Variants in TAFA1 observed in about 807,000 individuals in gnomAD.
TAFA1 encodes chemokine-like protein TAFA-1.
Under a neutral mutation model 18.5 loss-of-function variants are expected in TAFA1, and 4 were observed. That is an observed-to-expected ratio of 0.22 (90% CI 0.11 to 0.49). The LOEUF (loss-of-function observed/expected upper bound fraction) is 0.49. TAFA1 is among the 20% of genes least tolerant of loss of function. The pLI, the probability that TAFA1 is intolerant of heterozygous loss-of-function variation, is 0.98. For synonymous variants in TAFA1, 56 were observed against 55.2 expected, an observed-to-expected ratio of 1.01 and a Z score of -0.06; for missense variants, 147 against 169.0, an observed-to-expected ratio of 0.87 and a Z score of 0.72.
At chr3:68,519,387 T>A (rs950758903) in intron 3 of TAFA1, among the ~76,000 whole-genome samples, 1 of 152,232 alleles carries the variant, frequency 6.6e-6, no homozygotes, top group East Asian at 1.9e-4. Flanking sequence ...AAAAATAAAT[T>A]TCTGTCCTAT....
intron 2 of TAFA1, among the ~76,000 whole-genome samples, chr3:68,084,681 C>A (rs1425039742): frequency 6.6e-6 from 1 of 151,902 alleles, no homozygotes; most frequent in African/African-American, 2.4e-5. Flanking sequence ...GGCTGTGATC[C>A]CAGCTACTTG....
rs1293800696 is a variant in TAFA1, at chr3:68,538,811, A to G, written c.315A>G (p.Glu105=). 3.1e-6 allele frequency: 5 copies of G among 1,613,542 alleles called. No individual in the cohort carries two copies. The highest frequency in any genetic ancestry group is 2.7e-5 in the African/African-American group (2 of 74,916). Reference sequence around the variant, plus strand: ...AGATGGAGCCTTGCCTAGAAGGAGAAGAATGTAAGACACTCCCTGACAATT... The same window carrying G: ...AGATGGAGCCTTGCCTAGAAGGAGAGGAATGTAAGACACTCCCTGACAATT... ...WCEMEPCLEG[E]ECKTLPDNSG... is the part of the protein sequence containing the mutation. Residue 105 remains glutamate, a synonymous_variant, in exon 4 of 5, where the codon GAA becomes GAG. Coordinates refer to ENST00000478136, the MANE Select transcript of TAFA1 (RefSeq NM_213609.4).
At chr3:68,412,987 C>T (rs919414091) in intron 2 of TAFA1, among the ~76,000 whole-genome samples, 2 of 151,648 alleles carry the variant, frequency 1.3e-5, no homozygotes, top group Non-Finnish European at 2.9e-5. Context: ...GTTTACAGTC[C>T]CACCAACAGT....
intron 2 of TAFA1, among the ~76,000 whole-genome samples, chr3:68,076,769 C>T (rs1257450500): frequency 1.3e-5 from 2 of 152,278 alleles, no homozygotes; most frequent in East Asian, 3.8e-4. Flanking sequence ...AATAAACATA[C>T]ATGTTCATGT....
chr3:68,001,575 TG>T (rs1704284014), upstream of TAFA1, among the ~76,000 whole-genome samples: 3 of 150,386 alleles, frequency 2.0e-5, no homozygotes, highest in African/African-American at 7.5e-5. Flanking sequence ...ATTTTGTTGT[TG>T]TTGTTTTTTT....
At chr3:68,478,144 G>C (rs2072140476) in intron 3 of TAFA1, among the ~76,000 whole-genome samples, 1 of 152,198 alleles carries the variant, frequency 6.6e-6, no homozygotes, top group African/African-American at 2.4e-5. Flanking sequence ...AATTCTCATA[G>C]GTAACAGCAG....
In TAFA1 at chr3:68,164,629, A is replaced by ATGTGTGTGTG. The variant is rs1559543711; in HGVS notation, c.118+157885_118+157886insTGTGTGTGTG. 1.5e-4 allele frequency among the ~76,000 whole-genome samples: 6 copies of ATGTGTGTGTG among 41,324 alleles called. No individual in the cohort carries two copies. The Admixed American group carries it at 1.7e-3, about 12-fold the overall frequency. The allele number at this position is 41,324 out of a possible 152,430, so 27.1% of individuals were successfully genotyped here. On this transcript the variant is annotated intron_variant, in intron 2 of 4. Coordinates refer to ENST00000478136, the MANE Select transcript of TAFA1 (RefSeq NM_213609.4). ...ATCTACCACATTTGTTCCTTTTGCA[A>ATGTGTGTGTG]CGTGTGTGTGTGTGTGTGTGTGTGT...
intron 2 of TAFA1, among the ~76,000 whole-genome samples, chr3:68,205,929 C>T (rs1263704409): frequency 6.6e-6 from 1 of 151,754 alleles, no homozygotes; most frequent in Non-Finnish European, 1.5e-5. Context: ...GGTTATAATG[C>T]ATTAGAATTT....
chr3:68,024,535 T>G (rs1559706923), intron 2 of TAFA1, among the ~76,000 whole-genome samples: 1 of 152,220 alleles, frequency 6.6e-6, no homozygotes, highest in East Asian at 1.9e-4. Context: ...GCTAAAATAT[T>G]TGCCTTGATG....
chr3:68,125,571 GT>G (rs1176765004), intron 2 of TAFA1, among the ~76,000 whole-genome samples: 1 of 152,152 alleles, frequency 6.6e-6, no homozygotes, highest in Non-Finnish European at 1.5e-5. Flanking sequence ...GAAGCCCTTT[GT>G]CTTATTAAGC....
intron 2 of TAFA1, among the ~76,000 whole-genome samples, chr3:68,046,000 T>C (rs569967385): frequency 6.6e-6 from 1 of 152,284 alleles, no homozygotes; most frequent in African/African-American, 2.4e-5. Flanking sequence ...TTTTAAATAA[T>C]TTGCCCCCCT....
chr3:68,428,726 A>G (rs369276183), intron 3 of TAFA1, among the ~76,000 whole-genome samples: 2 of 151,952 alleles, frequency 1.3e-5, no homozygotes, highest in Non-Finnish European at 2.9e-5. Flanking sequence ...GGTAAAATTT[A>G]TTGGACTATC....
chr3:67,991,955 G>T, the TAFA1 span, among the ~76,000 whole-genome samples: 1 of 152,062 alleles, frequency 6.6e-6, no homozygotes, highest in Non-Finnish European at 1.5e-5. Flanking sequence ...TAATGCCCTG[G>T]CATTCTCTAA....
intron 2 of TAFA1, among the ~76,000 whole-genome samples, chr3:68,414,156 A>G (rs1485540407): frequency 2.0e-5 from 3 of 152,146 alleles, no homozygotes; most frequent in Non-Finnish European, 4.4e-5. Flanking sequence ...AATACAAAAA[A>G]ATTAGCTGGG....
intron 2 of TAFA1, among the ~76,000 whole-genome samples, chr3:68,361,225 A>C (rs1457737781): frequency 2.0e-5 from 3 of 152,058 alleles, no homozygotes. Context: ...TTTTATGTTA[A>C]GTGAAAAACC....
intron 3 of TAFA1, among the ~76,000 whole-genome samples, chr3:68,425,063 T>C (rs562389993): frequency 6.6e-6 from 1 of 152,114 alleles, no homozygotes; most frequent in African/African-American, 2.4e-5. Context: ...TGATGTGATT[T>C]ATAGTATCTC....
chr3:68,460,953 C>A (rs2071765067), intron 3 of TAFA1, among the ~76,000 whole-genome samples: 1 of 152,126 alleles, frequency 6.6e-6, no homozygotes, highest in South Asian at 2.1e-4. Flanking sequence ...AAGATCAGCT[C>A]TTAGTGCCCA....
chr3:68,522,623 C>T (rs2073045483), intron 3 of TAFA1, among the ~76,000 whole-genome samples: 2 of 152,174 alleles, frequency 1.3e-5, no homozygotes, highest in African/African-American at 4.8e-5. Context: ...CCTAGGTGGG[C>T]AGATCACTTG....
chr3:68,346,981 T>C (rs1316907850), intron 2 of TAFA1, among the ~76,000 whole-genome samples: 1 of 152,198 alleles, frequency 6.6e-6, no homozygotes, highest in Non-Finnish European at 1.5e-5. Flanking sequence ...ACTAGTTCCA[T>C]CCCTTTTCTC....
Sources: allele counts gnomAD v4.1 joint callset (sites outside exome capture counted in the v4.1 genomes callset), GRCh38; gene constraint gnomAD v4.1.1; transcripts MANE v1.5; gene names NCBI Gene and HGNC (gene_info 2026-07-23, HGNC 2026-07-21).